Variants in GPHN observed in about 807,000 individuals in gnomAD.
The protein encoded by GPHN is gephyrin.
In GPHN, 17 loss-of-function variants were observed where a neutral mutation model predicts 95.5. The ratio of observed to expected loss-of-function variants is 0.18; its 90% CI spans 0.12 to 0.27. GPHN has a LOEUF of 0.27. Among genes scored for constraint, GPHN ranks in the 10% least tolerant of loss-of-function variants. GPHN has a pLI of 1.00. For synonymous variants in GPHN, 320 were observed against 322.5 expected, an observed-to-expected ratio of 0.99 and a Z score of 0.08; for missense variants, 660 against 978.1, an observed-to-expected ratio of 0.67 and a Z score of 4.34.
the GPHN span, chr14:67,450,110 CTT>C: frequency 6.9e-4 from 101 of 146,886 alleles, no homozygotes; most frequent in East Asian, 8.0e-4. Flanking sequence ...TGCACAATCT[CTT>C]TTTTTTTTTT....
intron 12 of GPHN, among the ~76,000 whole-genome samples, chr14:67,099,450 A>T (rs938156358): frequency 6.6e-6 from 1 of 152,148 alleles, no homozygotes. Flanking sequence ...ACTTTAAAAA[A>T]AAAATAACCC....
intron 8 of GPHN, among the ~76,000 whole-genome samples, chr14:66,959,744 G>A (rs1054986592): frequency 4.0e-5 from 6 of 151,754 alleles, no homozygotes; most frequent in Non-Finnish European, 7.4e-5. Flanking sequence ...TGGGATTGTT[G>A]AACTTCTTGT....
At chr14:67,247,897 A>G in the GPHN span, among the ~76,000 whole-genome samples, 5 of 152,262 alleles carry the variant, frequency 3.3e-5, no homozygotes, top group East Asian at 9.7e-4. Context: ...ACTTTCTTAA[A>G]GGAAAAGTAT....
At chr14:66,607,025 C>G (rs1256816791) in intron 1 of GPHN, among the ~76,000 whole-genome samples, 2 of 152,068 alleles carry the variant, frequency 1.3e-5, no homozygotes, top group African/African-American at 4.8e-5. Context: ...TTCTAGTTCT[C>G]AAGGAGAATG....
At chr14:67,193,114 ATC>A in the GPHN span, among the ~76,000 whole-genome samples, 8 of 144,174 alleles carry the variant, frequency 5.5e-5, no homozygotes, top group South Asian at 6.8e-4. Flanking sequence ...CTATATAGAT[ATC>A]TCTCTATATA....
the GPHN span, among the ~76,000 whole-genome samples, chr14:67,726,413 TGGCAGTACAA>T: frequency 6.6e-6 from 1 of 152,184 alleles, no homozygotes; most frequent in Non-Finnish European, 1.5e-5. Context: ...GATGGGGCAG[TGGCAGTACAA>T]GGCTTGCCAG....
chr14:66,887,529 C>T (rs559756603), intron 5 of GPHN, among the ~76,000 whole-genome samples: 1 of 152,210 alleles, frequency 6.6e-6, no homozygotes, highest in African/African-American at 2.4e-5. Flanking sequence ...GAGCTGAGAT[C>T]GTGCCACTGC....
chr14:67,353,678 A>G, the GPHN span: 1 of 152,084 alleles, frequency 6.6e-6, no homozygotes. Flanking sequence ...TTTAGTAGAG[A>G]CAGGGTTTCA....
At chr14:67,437,444 C>T in the GPHN span, among the ~76,000 whole-genome samples, 1 of 152,124 alleles carries the variant, frequency 6.6e-6, no homozygotes, top group African/African-American at 2.4e-5. Flanking sequence ...TTAGGCAGAC[C>T]AAGTTAGGAG....
the GPHN span, chr14:67,470,901 A>C: frequency 2.6e-5 from 4 of 152,358 alleles, no homozygotes; most frequent in African/African-American, 9.7e-5. Flanking sequence ...AATGCTTGGC[A>C]GGGCTGGGAT....
chr14:66,760,807 A>T (rs1285854897), intron 2 of GPHN: 14 of 519,772 alleles, frequency 2.7e-5, no homozygotes, highest in South Asian at 2.1e-4. Flanking sequence ...TATTGATGCA[A>T]TGAAGAGAGT....
At chr14:67,129,541 C>T (rs1023142962) in intron 17 of GPHN, among the ~76,000 whole-genome samples, 1 of 152,072 alleles carries the variant, frequency 6.6e-6, no homozygotes, top group Non-Finnish European at 1.5e-5. Flanking sequence ...TTTGCAATTG[C>T]TCAAATAATA....
Position 67,122,639 on chromosome 14 carries a change from G to A in GPHN, c.1748+262G>A, listed in dbSNP as rs137976348. On this transcript the variant is annotated intron_variant, in intron 17 of 22. Coordinates refer to ENST00000478722, the MANE Select transcript of GPHN (RefSeq NM_020806.5). Reference sequence around the variant, plus strand: ...AAAGGATGTTTTTGTAATAGTTTTGGTTTTATCCCAATGGAGCTAACAGTG... The same window carrying A: ...AAAGGATGTTTTTGTAATAGTTTTGATTTTATCCCAATGGAGCTAACAGTG... Among the ~76,000 whole-genome samples, 321 of 152,220 alleles carry A rather than the reference G, an allele frequency of 2.1e-3. 1 individual carries two copies. Among genetic ancestry groups the A allele is most frequent in the African/African-American group, 7.2e-3 (301 of 41,554 alleles).
chr14:67,270,684 A>AAT, the GPHN span: 6 of 151,606 alleles, frequency 4.0e-5, no homozygotes, highest in Admixed American at 4.0e-4. Flanking sequence ...TGTATGGGCT[A>AAT]GAGTATTTGT....
intron 1 of GPHN, among the ~76,000 whole-genome samples, chr14:66,562,060 T>C (rs2060277574): frequency 1.3e-5 from 2 of 152,204 alleles, no homozygotes; most frequent in South Asian, 4.1e-4. Flanking sequence ...GGACTCGTGA[T>C]GAGATTGGGC....
At chr14:66,628,947 C>T (rs2063625116) in intron 1 of GPHN, among the ~76,000 whole-genome samples, 1 of 149,992 alleles carries the variant, frequency 6.7e-6, no homozygotes, top group Non-Finnish European at 1.5e-5. Flanking sequence ...CCCCTATAGT[C>T]CCAGCCACTC....
At chr14:67,531,730 A>G in the GPHN span, among the ~76,000 whole-genome samples, 4 of 143,268 alleles carry the variant, frequency 2.8e-5, no homozygotes, top group Non-Finnish European at 4.6e-5. Flanking sequence ...CACCTCTACT[A>G]AAAAAAAAAA....
chr14:66,593,853 A>T (rs554764072), intron 1 of GPHN, among the ~76,000 whole-genome samples: 2 of 152,328 alleles, frequency 1.3e-5, no homozygotes, highest in African/African-American at 4.8e-5. Flanking sequence ...AATAAAAAGG[A>T]TTCAAATTGG....
At chr14:67,699,253 C>T in the GPHN span, among the ~76,000 whole-genome samples, 2 of 144,268 alleles carry the variant, frequency 1.4e-5, no homozygotes, top group Non-Finnish European at 3.0e-5. Context: ...GACTCTATCT[C>T]AGAAAAAAAA....
Sources: allele counts gnomAD v4.1 joint callset (sites outside exome capture counted in the v4.1 genomes callset), GRCh38; gene constraint gnomAD v4.1.1; transcripts MANE v1.5; gene names NCBI Gene and HGNC (gene_info 2026-07-23, HGNC 2026-07-21).